RFX3: variants seen among roughly 807,000 people sequenced by gnomAD.
The protein encoded by RFX3 is regulatory factor X3, also known as transcription factor RFX3.
In RFX3, 14 loss-of-function variants were observed where a neutral mutation model predicts 98.6. The observed-to-expected ratio is 0.14, with a 90% confidence interval of 0.09 to 0.22. The LOEUF (loss-of-function observed/expected upper bound fraction) is 0.22, where lower values mean the gene tolerates loss of function less well. Ranked by LOEUF, RFX3 falls within the 10% of genes least tolerant of loss-of-function variation. RFX3 has a pLI of 1.00. For missense variants in RFX3, 639 were observed against 926.9 expected, an observed-to-expected ratio of 0.69 and a Z score of 4.03; for synonymous variants, 383 against 328.4, an observed-to-expected ratio of 1.17 and a Z score of -1.80.
intron 1 of RFX3, among the ~76,000 whole-genome samples, chr9:3,475,301 A>G (rs1270310887): frequency 6.6e-6 from 1 of 151,972 alleles, no homozygotes; most frequent in African/African-American, 2.4e-5. Flanking sequence ...AGACAAAGAG[A>G]TAAAAGAAAA....
At position 3,248,299 on chromosome 9, in the gene RFX3, T is replaced by C. The variant is rs1251314652; in HGVS notation, c.1815-114A>G. 3.9e-6 allele frequency: 5 copies of C among 1,295,752 alleles called. No individual in the cohort carries two copies. The African/African-American group carries it at 4.5e-5, about 12-fold the overall frequency. The allele number at this position is 1,295,752 out of a possible 1,614,324, so 80.3% of individuals were successfully genotyped here. On this transcript the variant is annotated intron_variant, in intron 14 of 16. Transcript: ENST00000617270. ...CTGGGAGTCTATATGGTTGGTATAG[T>C]ATAAAACCTGCCATGAAAGCATTTC...
chr9:3,427,016 T>G (rs1844104969), intron 1 of RFX3, among the ~76,000 whole-genome samples: 1 of 151,936 alleles, frequency 6.6e-6, no homozygotes, highest in African/African-American at 2.4e-5. Flanking sequence ...CCAAGATTTC[T>G]AACCCGTTTA....
intron 2 of RFX3, among the ~76,000 whole-genome samples, chr9:3,362,924 A>G (rs1222441165): frequency 6.6e-6 from 1 of 152,216 alleles, no homozygotes; most frequent in Non-Finnish European, 1.5e-5. Flanking sequence ...TTAGTTTAGA[A>G]TAATTTCTCA....
At chr9:3,316,525 T>G (rs191998848) in intron 4 of RFX3, among the ~76,000 whole-genome samples, 11 of 152,286 alleles carry the variant, frequency 7.2e-5, no homozygotes, top group Admixed American at 4.6e-4. Context: ...GTTCTGGCCA[T>G]GGCAATCAGG....
chr9:3,446,481 GAAGA>G (rs1846063148), intron 1 of RFX3, among the ~76,000 whole-genome samples: 1 of 151,926 alleles, frequency 6.6e-6, no homozygotes, highest in Non-Finnish European at 1.5e-5. Flanking sequence ...TTGTCAAGAA[GAAGA>G]AAGCCAGAGG....
chr9:3,377,812 C>G (rs1838716857), intron 2 of RFX3, among the ~76,000 whole-genome samples: 1 of 151,912 alleles, frequency 6.6e-6, no homozygotes, highest in Non-Finnish European at 1.5e-5. Context: ...ATATGTTTGC[C>G]AAAACTCATC....
intron 1 of RFX3, among the ~76,000 whole-genome samples, chr9:3,492,345 C>G (rs757521833): frequency 1.3e-5 from 2 of 152,322 alleles, no homozygotes; most frequent in South Asian, 2.1e-4. Context: ...TCCCTTCCAG[C>G]ACAACCGTGA....
chr9:3,395,363 G>C, intron 2 of RFX3, 109 bp downstream of exon 2: 1 of 1,225,684 alleles, frequency 8.2e-7, no homozygotes, highest in Non-Finnish European at 1.2e-6. Context: ...ACTGAAGTAT[G>C]CCTATCATAG....
intron 15 of RFX3, 29 bp downstream of exon 15, chr9:3,248,003 T>C (rs1211302473): frequency 6.2e-7 from 1 of 1,613,934 alleles, no homozygotes; most frequent in Non-Finnish European, 8.5e-7. Flanking sequence ...AATAACCCAG[T>C]GGGTCACAGC....
rs189081197 is a variant in RFX3 at position 3,289,678 on chromosome 9, G to A, written c.732-1428C>T. On this transcript the variant is annotated intron_variant, in intron 6 of 16. Coordinates refer to ENST00000617270, the MANE Select transcript of RFX3 (RefSeq NM_001282116.2). ...CAAATTAACATTTTAATTGGGTTGG[G>A]AGGGAGAGGTTCTTTTTATTTCATT... 8.5e-5 allele frequency among the ~76,000 whole-genome samples: 13 copies of A among 152,240 alleles called. No homozygotes were observed. In the East Asian group the frequency reaches 2.5e-3, roughly 29 times the overall value.
chr9:3,515,124 T>C (rs753076809), intron 1 of RFX3, among the ~76,000 whole-genome samples: 1 of 152,176 alleles, frequency 6.6e-6, no homozygotes, highest in Non-Finnish European at 1.5e-5. Context: ...AAACCATTTA[T>C]CCAAAGCAAA....
chr9:3,363,087 G>A (rs1836645629), intron 2 of RFX3, among the ~76,000 whole-genome samples: 1 of 152,116 alleles, frequency 6.6e-6, no homozygotes, highest in South Asian at 2.1e-4. Context: ...TCCTAGCAGA[G>A]CCTACCAATG....
intron 15 of RFX3, among the ~76,000 whole-genome samples, chr9:3,234,952 T>TA (rs1290000872): frequency 6.6e-6 from 1 of 152,152 alleles, no homozygotes; most frequent in Non-Finnish European, 1.5e-5. Flanking sequence ...AAGGGAAAAG[T>TA]AAGAGTCAGC....
intron 1 of RFX3, among the ~76,000 whole-genome samples, chr9:3,425,342 C>T (rs1381224768): frequency 6.6e-6 from 1 of 152,172 alleles, no homozygotes; most frequent in Non-Finnish European, 1.5e-5. Context: ...GCCTTGTGAT[C>T]AGAGGTAAAT....
intron 1 of RFX3, among the ~76,000 whole-genome samples, chr9:3,509,837 G>A (rs1039195799): frequency 5.3e-5 from 8 of 151,828 alleles, no homozygotes; most frequent in East Asian, 3.8e-4. Flanking sequence ...GAACATTTGC[G>A]GAGGAGTGTG....
intron 2 of RFX3, among the ~76,000 whole-genome samples, chr9:3,391,038 G>C (rs1840261001): frequency 6.6e-6 from 1 of 152,022 alleles, no homozygotes; most frequent in Non-Finnish European, 1.5e-5. Context: ...AATCAACAAA[G>C]CAAAGTTACA....
chr9:3,467,125 T>C (rs1436076910), intron 1 of RFX3, among the ~76,000 whole-genome samples: 2 of 95,156 alleles, frequency 2.1e-5, no homozygotes, highest in East Asian at 5.0e-4. Flanking sequence ...CATACATATA[T>C]GTAAGTATAT....
intron 6 of RFX3, 99 bp downstream of exon 6, chr9:3,292,978 A>G (rs1359932574): frequency 1.1e-6 from 1 of 914,642 alleles, no homozygotes; most frequent in Non-Finnish European, 1.7e-6. Context: ...ATTTCCTTAT[A>G]TATTGTCTGT....
chr9:3,292,236 T>C (rs1827485420), intron 6 of RFX3, among the ~76,000 whole-genome samples: 1 of 152,016 alleles, frequency 6.6e-6, no homozygotes, highest in Non-Finnish European at 1.5e-5. Flanking sequence ...AACATCCATA[T>C]CCTTCTGTCC....
Sources: allele counts gnomAD v4.1 joint callset (sites outside exome capture counted in the v4.1 genomes callset), GRCh38; gene constraint gnomAD v4.1.1; transcripts MANE v1.5; gene names NCBI Gene and HGNC (gene_info 2026-07-23, HGNC 2026-07-21).